SUMF1: variants seen among roughly 807,000 people sequenced by gnomAD.
The protein encoded by SUMF1 is formylglycine-generating enzyme.
In SUMF1, 48 loss-of-function variants were observed where a neutral mutation model predicts 47.6. The ratio of observed to expected loss-of-function variants is 1.01; its 90% CI spans 0.80 to 1.28. The LOEUF (loss-of-function observed/expected upper bound fraction) is 1.28, where lower values mean the gene tolerates loss of function less well. SUMF1 is among the 50% of genes most tolerant of loss of function. SUMF1 has a pLI of 0.00. For synonymous variants in SUMF1, 230 were observed against 192.1 expected (o/e 1.20, Z -1.63); for missense variants, 571 against 485.4 (o/e 1.18, Z -1.66).
intron 8 of SUMF1, among the ~76,000 whole-genome samples, chr3:4,141,697 A>AC (rs758613927): frequency 6.6e-6 from 1 of 152,114 alleles, no homozygotes; most frequent in East Asian, 1.9e-4. Context: ...AAACAAACAA[A>AC]AAACATAGCT....
At chr3:4,241,534 TATC>T (rs1696537297) in intron 8 of SUMF1, among the ~76,000 whole-genome samples, 1 of 152,154 alleles carries the variant, frequency 6.6e-6, no homozygotes, top group Non-Finnish European at 1.5e-5. Flanking sequence ...AACACAGAGT[TATC>T]ATGAGAACCA....
chr3:4,202,933 G>A (rs913676153), intron 8 of SUMF1, among the ~76,000 whole-genome samples: 3 of 151,690 alleles, frequency 2.0e-5, no homozygotes, highest in Non-Finnish European at 4.4e-5. Flanking sequence ...TTGTGGTCAG[G>A]AAAGATACTT....
At position 4,150,566 on chromosome 3, in the gene SUMF1, G is replaced by A. The variant is rs540937298; in HGVS notation, c.1015-81821C>T. Among the ~76,000 whole-genome samples, 4 of 150,140 alleles carry A rather than the reference G, an allele frequency of 2.7e-5. No individual in the cohort carries two copies. The East Asian group carries it at 7.9e-4, about 30-fold the overall frequency. On this transcript the variant is annotated intron_variant and NMD_transcript_variant, in intron 8 of 12. Coordinates refer to the SUMF1 transcript ENST00000448413. Reference sequence around the variant, plus strand: ...CTCCGTCTCAAAAAAAAAAAAATGTGTAGAGGCAGGGTCTTGCTATGTTGC... The same window carrying A: ...CTCCGTCTCAAAAAAAAAAAAATGTATAGAGGCAGGGTCTTGCTATGTTGC...
chr3:4,263,985 G>A lies in SUMF1; in HGVS notation c.1014+112345C>T, dbSNP rs191073949. 5.0e-3 allele frequency among the ~76,000 whole-genome samples: 761 copies of A among 152,228 alleles called. 20 individuals are homozygous for A. The highest frequency in any genetic ancestry group is 2.3e-3 in the East Asian group (12 of 5,178). On this transcript the variant is annotated intron_variant and NMD_transcript_variant, in intron 8 of 12. Coordinates refer to the SUMF1 transcript ENST00000448413. ...CTAGACAGGAAAATACATATTAATA[G>A]CAAATCTTTACTATTACGCACATAA...
At chr3:4,383,311 G>A (rs1183443139) in intron 7 of SUMF1, among the ~76,000 whole-genome samples, 6 of 152,234 alleles carry the variant, frequency 3.9e-5, no homozygotes, top group African/African-American at 1.2e-4. Flanking sequence ...CCCGGGAGGC[G>A]GAGGCTGCAG....
chr3:4,035,814 G>T (rs528089294), intron 9 of SUMF1, among the ~76,000 whole-genome samples: 1 of 152,274 alleles, frequency 6.6e-6, no homozygotes, highest in East Asian at 1.9e-4. Context: ...TAGGTGTCTG[G>T]TGCATAATGC....
intron 8 of SUMF1, among the ~76,000 whole-genome samples, chr3:4,375,398 AT>A (rs1461767538): frequency 6.6e-6 from 1 of 152,164 alleles, no homozygotes; most frequent in Non-Finnish European, 1.5e-5. Context: ...AAAAAATGCA[AT>A]GCCCAGCTCA....
chr3:4,131,559 T>C (rs1693789916), intron 8 of SUMF1, among the ~76,000 whole-genome samples: 1 of 152,126 alleles, frequency 6.6e-6, no homozygotes, highest in African/African-American at 2.4e-5. Flanking sequence ...GGTTGTGCAC[T>C]TTGCATGGAA....
At position 4,062,005 on chromosome 3, in the gene SUMF1, C is replaced by T. The variant is rs530215132; in HGVS notation, c.1191+6564G>A. ...AGTTCATTTACACTCAGACTCGTTT[C>T]TGTATTTACCTCTCCTCTAATACCG... On this transcript the variant is annotated intron_variant and NMD_transcript_variant, in intron 9 of 12. Transcript: ENST00000448413. Among the ~76,000 whole-genome samples the T allele has an allele frequency of 2.2e-4, 34 of 152,214 alleles. No individual in the cohort carries two copies. In the South Asian group the frequency reaches 7.1e-3, roughly 32 times the overall value.
At chr3:4,168,197 C>CCCA (rs1694754466) in intron 8 of SUMF1, among the ~76,000 whole-genome samples, 2 of 152,116 alleles carry the variant, frequency 1.3e-5, no homozygotes. Context: ...GATCACAACC[C>CCCA]CCATGTGGTC....
At chr3:4,321,434 T>A (rs1240526115) in intron 8 of SUMF1, among the ~76,000 whole-genome samples, 1 of 129,174 alleles carries the variant, frequency 7.7e-6, no homozygotes, top group African/African-American at 3.0e-5. Flanking sequence ...AAGCTGAGAC[T>A]GGAGCATCTT....
intron 8 of SUMF1, among the ~76,000 whole-genome samples, chr3:4,363,202 C>T (rs2633857): frequency 0.61 from 92,679 of 151,368 alleles, 28,813 homozygotes; most frequent in East Asian, 0.76. Flanking sequence ...AACACTAAGA[C>T]ACCATTTAAT....
rs1553592599 is a variant in SUMF1 at position 4,464,431 on chromosome 3, T to TGTGA, written c.270+2544_270+2545insTCAC. On this transcript the variant is annotated intron_variant, in intron 1 of 8. Transcript: ENST00000272902. ...GTGTGTTTGTGTGTGTGTGTGTGTG[T>TGTGA]GAGAGAGAGAGAAACACCTACCAGA... Among the ~76,000 whole-genome samples the TGTGA allele has an allele frequency of 2.6e-3, 389 of 151,128 alleles. 1 individual carries two copies. The highest frequency in any genetic ancestry group is 8.9e-3 in the African/African-American group (366 of 41,088).
intron 7 of SUMF1, among the ~76,000 whole-genome samples, chr3:4,380,142 T>C (rs1292714348): frequency 6.6e-6 from 1 of 152,100 alleles, no homozygotes; most frequent in Non-Finnish European, 1.5e-5. Flanking sequence ...GTCTTGGGGA[T>C]GCATAAGAAT....
At chr3:4,252,930 C>A (rs1696839886) in intron 8 of SUMF1, among the ~76,000 whole-genome samples, 1 of 152,292 alleles carries the variant, frequency 6.6e-6, no homozygotes, top group South Asian at 2.1e-4. Context: ...ATATTAAGTT[C>A]TCCACTAACT....
chr3:4,181,162 G>A (rs1300005997), intron 8 of SUMF1, among the ~76,000 whole-genome samples: 1 of 152,142 alleles, frequency 6.6e-6, no homozygotes, highest in East Asian at 1.9e-4. Context: ...TCCTCATGAT[G>A]GTGGTTCTCT....
intron 8 of SUMF1, among the ~76,000 whole-genome samples, chr3:4,110,063 C>T (rs1436009610): frequency 2.0e-5 from 3 of 152,040 alleles, no homozygotes. Context: ...GTTTTATCTA[C>T]CTTTGGTCTT....
intron 8 of SUMF1, among the ~76,000 whole-genome samples, chr3:4,292,362 A>T (rs766017975): frequency 6.6e-6 from 1 of 152,228 alleles, no homozygotes; most frequent in Non-Finnish European, 1.5e-5. Flanking sequence ...TGGTCTACAC[A>T]ATACCCTTAC....
chr3:4,368,949 G>T (rs1388865703), intron 8 of SUMF1, among the ~76,000 whole-genome samples: 7 of 152,126 alleles, frequency 4.6e-5, no homozygotes, highest in African/African-American at 1.7e-4. Flanking sequence ...CTGCAAACTG[G>T]TTAAAGAAGT....
Sources: gnomAD v4.1 joint callset for allele counts (sites outside exome capture counted in the v4.1 genomes callset) on GRCh38, gnomAD v4.1.1 for gene constraint, MANE v1.5 for transcripts, NCBI Gene and HGNC (gene_info 2026-07-23, HGNC 2026-07-21) for gene names.